ST3GAL4: variants seen among roughly 807,000 people sequenced by gnomAD.
ST3GAL4 encodes the protein ST3 beta-galactoside alpha-2,3-sialyltransferase 4, also known as CMP-N-acetylneuraminate-beta-galactosamide-alpha-2,3-sialyltransferase 4.
In ST3GAL4, 24 loss-of-function variants were observed where a neutral mutation model predicts 42.6. The ratio of observed to expected loss-of-function variants is 0.56; its 90% CI spans 0.41 to 0.79. The LOEUF is 0.79. Ranked by LOEUF, ST3GAL4 falls within the 30% of genes least tolerant of loss-of-function variation. The pLI is 0.00. For missense variants in ST3GAL4, 311 were observed against 430.8 expected (o/e 0.72, Z 2.46); for synonymous variants, 135 against 163.2 (o/e 0.83, Z 1.32).
rs1483898133 is a variant in ST3GAL4, at chr11:126,363,942, C to T, written c.-61+8100C>T. Among the ~76,000 whole-genome samples the T allele has an allele frequency of 6.6e-6, 1 of 152,240 alleles. No homozygotes were observed. The highest frequency in any genetic ancestry group is 2.4e-5 in the African/African-American group (1 of 41,470). On this transcript the variant is annotated intron_variant, in intron 1 of 10. Transcript: ENST00000444328. This position sits in a 1 kb window ranked among gnomAD's most constrained non-coding sequence, Gnocchi z 4.6. The stretch of plus-strand genomic sequence containing the variant: ...GCCTCTGTTGGCTTTGTGACCCTCG[C>T]TTTGTACTGTGGCTTTGTTCTGCCT...
intron 1 of ST3GAL4, among the ~76,000 whole-genome samples, chr11:126,370,122 T>G (rs1006206725): frequency 1.3e-5 from 2 of 152,226 alleles, no homozygotes; most frequent in East Asian, 1.9e-4. Context: ...CAGACAAGTC[T>G]CTTTGCAAAT....
intron 1 of ST3GAL4, among the ~76,000 whole-genome samples, chr11:126,362,945 G>A (rs769235954): frequency 1.2e-4 from 19 of 152,278 alleles, no homozygotes; most frequent in Admixed American, 8.5e-4. Context: ...GCAGGGAGCC[G>A]GTAATTGGGC....
At chr11:126,405,632 G>T (rs1954194833) in intron 1 of ST3GAL4, 1 of 189,592 alleles carries the variant, frequency 5.3e-6, no homozygotes, top group Admixed American at 5.5e-5. Context: ...ACCAGACCAA[G>T]AGACGCCTTG....
At chr11:126,375,306 G>A (rs1000308256) in intron 1 of ST3GAL4, among the ~76,000 whole-genome samples, 3 of 152,238 alleles carry the variant, frequency 2.0e-5, no homozygotes, top group Non-Finnish European at 2.9e-5. Flanking sequence ...GTGCGGAAGC[G>A]TGGCTGAGGA....
At chr11:126,372,526 C>T (rs974170966) in intron 1 of ST3GAL4, among the ~76,000 whole-genome samples, 1 of 151,752 alleles carries the variant, frequency 6.6e-6, no homozygotes, top group Non-Finnish European at 1.5e-5. Flanking sequence ...AAGCGATTCT[C>T]CTGCCTCAGC....
At position 126,373,151 on chromosome 11, in the gene ST3GAL4, G is replaced by T. The variant is rs1007143229; in HGVS notation, c.-61+17309G>T. ...TAGTGGAGGAACTTTGAAAGGGTCTGTTCTGGAGAGGGGGTGCTGCTCTGG... is the reference window on the plus strand; with the variant it reads ...TAGTGGAGGAACTTTGAAAGGGTCTTTTCTGGAGAGGGGGTGCTGCTCTGG... On this transcript the variant is annotated intron_variant, in intron 1 of 10. Coordinates refer to ENST00000444328, the MANE Select transcript of ST3GAL4 (RefSeq NM_001254757.2). This position sits in a 1 kb window ranked among gnomAD's most constrained non-coding sequence, Gnocchi z 5.5. Among the ~76,000 whole-genome samples, 4 of 152,230 alleles carry T rather than the reference G, an allele frequency of 2.6e-5. No homozygotes were observed. Among genetic ancestry groups the T allele is most frequent in the African/African-American group, 9.6e-5 (4 of 41,466 alleles).
rs1032214265 is a variant in ST3GAL4, at chr11:126,386,861, A to G, written c.-60-19235A>G. Among the ~76,000 whole-genome samples the G allele has an allele frequency of 2.0e-5, 3 of 152,090 alleles. No individual in the cohort carries two copies. Among genetic ancestry groups the G allele is most frequent in the African/African-American group, 7.2e-5 (3 of 41,400 alleles). On this transcript the variant is annotated intron_variant, in intron 1 of 10. Transcript: ENST00000444328. This position sits in a 1 kb window ranked among gnomAD's most constrained non-coding sequence, Gnocchi z 4.7. ...CTGAATGGTGTTGCTGCTAATCTCTACAGCACTTTCCTGTAAATTAGGAAC... is the reference window on the plus strand; with the variant it reads ...CTGAATGGTGTTGCTGCTAATCTCTGCAGCACTTTCCTGTAAATTAGGAAC...
At chr11:126,413,679 C>A in intron 10 of ST3GAL4, 31 bp downstream of exon 10, 1 of 1,611,762 alleles carries the variant, frequency 6.2e-7, no homozygotes, top group Admixed American at 1.7e-5. Context: ...CATGGTGGGC[C>A]AGGGCGTGGA....
intron 1 of ST3GAL4, chr11:126,403,351 T>TGCTCACCTCTGACGCC (rs1439138661): frequency 2.1e-6 from 2 of 960,568 alleles, no homozygotes; most frequent in Non-Finnish European, 2.5e-6. Flanking sequence ...CCTCTGACGC[T>TGCTCACCTCTGACGCC]GCTCACCTCT....
rs1289742193 is a variant in ST3GAL4 at position 126,410,879 on chromosome 11, C to T, written c.771+1468C>T. Among the ~76,000 whole-genome samples the T allele has an allele frequency of 2.6e-5, 4 of 152,184 alleles. No homozygotes were observed. Among genetic ancestry groups the T allele is most frequent in the Non-Finnish European group, 5.9e-5 (4 of 68,036 alleles). ...CATCTGCTGAGAGATGTCTGGGAGGCTCCCCAGAGGAGGTGGTGCTGGAGC... is the reference window on the plus strand; with the variant it reads ...CATCTGCTGAGAGATGTCTGGGAGGTTCCCCAGAGGAGGTGGTGCTGGAGC... On this transcript the variant is annotated intron_variant, in intron 9 of 10. Coordinates refer to ENST00000444328, the MANE Select transcript of ST3GAL4 (RefSeq NM_001254757.2). The surrounding 1 kb of genome is among the most constrained non-coding windows in gnomAD (Gnocchi z 5.3).
intron 6 of ST3GAL4, 21 bp downstream of exon 6, chr11:126,407,655 C>T (rs1269583647): frequency 6.2e-7 from 1 of 1,613,352 alleles, no homozygotes; most frequent in Non-Finnish European, 8.5e-7. Context: ...ACTCCGACTC[C>T]AGTCTGGGCA....
At chr11:126,367,321 G>T (rs1264994147) in intron 1 of ST3GAL4, among the ~76,000 whole-genome samples, 2 of 152,226 alleles carry the variant, frequency 1.3e-5, no homozygotes, top group Non-Finnish European at 2.9e-5. Flanking sequence ...TGAGTCGAGG[G>T]CAGGGCAGAG....
In ST3GAL4 at chr11:126,414,118, G is replaced by A. The variant is rs1027298481; in HGVS notation, c.*71G>A. The stretch of plus-strand genomic sequence containing the variant: ...GGTGACCCCCATGCGTGGCTGTGGG[G>A]GTGGCTGGTGCCAGTATGACCCACT... On this transcript the variant is annotated 3_prime_UTR_variant, in exon 11 of 11. Transcript: ENST00000444328. The A allele has an allele frequency of 1.3e-6, 2 of 1,507,154 alleles. No homozygotes were observed. The highest frequency in any genetic ancestry group is 1.4e-5 in the African/African-American group (1 of 72,836). The allele number at this position is 1,507,154 out of a possible 1,614,324, so 93.4% of individuals were successfully genotyped here.
chr11:126,407,718 C>G (rs1954315309), intron 6 of ST3GAL4, 84 bp downstream of exon 6: 1 of 1,349,622 alleles, frequency 7.4e-7, no homozygotes, highest in Non-Finnish European at 1.0e-6. Flanking sequence ...CACCCCCCCG[C>G]TCTGTGAAAC....
At chr11:126,372,977 CTT>C (rs1171230598) in intron 1 of ST3GAL4, among the ~76,000 whole-genome samples, 1 of 152,212 alleles carries the variant, frequency 6.6e-6, no homozygotes, top group African/African-American at 2.4e-5. Context: ...TATCTTGTCT[CTT>C]GTTTTCTCTT....
At position 126,379,488 on chromosome 11, in the gene ST3GAL4, T is replaced by G. The variant is rs1952924111; in HGVS notation, c.-61+23646T>G. Among the ~76,000 whole-genome samples, 1 of 152,138 alleles carries G rather than the reference T, an allele frequency of 6.6e-6. No homozygotes were observed. The highest frequency in any genetic ancestry group is 2.4e-5 in the African/African-American group (1 of 41,426). On this transcript the variant is annotated intron_variant, in intron 1 of 10. Coordinates refer to ENST00000444328, the MANE Select transcript of ST3GAL4 (RefSeq NM_001254757.2). The surrounding 1 kb of genome is among the most constrained non-coding windows in gnomAD (Gnocchi z 4.2). ...AATTTTGTTTTTATATTATTATTAT[T>G]ATTATTGAGACGGAGTTTCTCTCTT...
chr11:126,369,094 G>C (rs1288807474), intron 1 of ST3GAL4, among the ~76,000 whole-genome samples: 1 of 152,194 alleles, frequency 6.6e-6, no homozygotes, highest in Non-Finnish European at 1.5e-5. Flanking sequence ...TAGGACACAA[G>C]GAGGGCAAGT....
intron 1 of ST3GAL4, among the ~76,000 whole-genome samples, chr11:126,362,823 T>A (rs1025683798): frequency 6.6e-6 from 1 of 152,186 alleles, no homozygotes; most frequent in Non-Finnish European, 1.5e-5. Context: ...AACAAACATT[T>A]TTTAGGCTGG....
In ST3GAL4 at chr11:126,366,242, C is replaced by T. The variant is rs1201852427; in HGVS notation, c.-61+10400C>T. On this transcript the variant is annotated intron_variant, in intron 1 of 10. Coordinates refer to ENST00000444328, the MANE Select transcript of ST3GAL4 (RefSeq NM_001254757.2). This position sits in a 1 kb window ranked among gnomAD's most constrained non-coding sequence, Gnocchi z 4.2. Reference sequence around the variant, plus strand: ...GGGCCTGGGGGAGGTAAAGCAGCAGCAGCTGCTGTAGCTGAGCCCGGCCCA... The same window carrying T: ...GGGCCTGGGGGAGGTAAAGCAGCAGTAGCTGCTGTAGCTGAGCCCGGCCCA... Among the ~76,000 whole-genome samples the T allele has an allele frequency of 1.3e-5, 2 of 152,164 alleles. No individual in the cohort carries two copies. The highest frequency in any genetic ancestry group is 1.3e-4 in the Admixed American group (2 of 15,282).
Sources: gnomAD v4.1 joint callset for allele counts (sites outside exome capture counted in the v4.1 genomes callset) on GRCh38, gnomAD v4.1.1 for gene constraint, Gnocchi (gnomAD v3.1) non-coding constraint, MANE v1.5 for transcripts, NCBI Gene and HGNC (gene_info 2026-07-23, HGNC 2026-07-21) for gene names.